The following NUP160 variants were observed in gnomAD, a reference collection of about 807,000 sequenced individuals.
The protein encoded by NUP160 is nuclear pore complex protein Nup160.
In NUP160, 94 loss-of-function variants were observed where a neutral mutation model predicts 196.9. That is an observed-to-expected ratio of 0.48 (90% CI 0.40 to 0.57). The LOEUF is 0.57. NUP160 is among the 20% of genes least tolerant of loss of function. The pLI, the probability that NUP160 is intolerant of heterozygous loss-of-function variation, is 0.00. For missense variants in NUP160, 1,638 were observed against 1,748.3 expected (o/e 0.94, Z 1.13); for synonymous variants, 605 against 619.7 (o/e 0.98, Z 0.35).
intron 27 of NUP160, among the ~76,000 whole-genome samples, chr11:47,795,458 T>G (rs3886262): frequency 0.35 from 52,653 of 152,040 alleles, 10,552 homozygotes; most frequent in South Asian, 0.52. Context: ...TATGCAAATA[T>G]GTTTTACTAT....
At chr11:47,781,163 C>T (rs183220606) in intron 34 of NUP160, among the ~76,000 whole-genome samples, 51 of 152,038 alleles carry the variant, frequency 3.4e-4, no homozygotes, top group Admixed American at 6.5e-4. Flanking sequence ...GCGGAGGTTA[C>T]AGTGAGCCGA....
chr11:47,837,302 C>T (rs181501660), intron 5 of NUP160, among the ~76,000 whole-genome samples: 4 of 152,216 alleles, frequency 2.6e-5, no homozygotes, highest in Admixed American at 2.6e-4. Context: ...TAAGTCGGGG[C>T]AGAGCACTGA....
intron 20 of NUP160, among the ~76,000 whole-genome samples, chr11:47,805,370 A>T (rs923483796): frequency 6.6e-6 from 1 of 151,538 alleles, no homozygotes; most frequent in African/African-American, 2.4e-5. Context: ...GCCTCAAGTG[A>T]TCTGCCCGCC....
intron 11 of NUP160, among the ~76,000 whole-genome samples, chr11:47,816,469 T>C (rs992720942): frequency 1.3e-5 from 2 of 152,158 alleles, no homozygotes; most frequent in East Asian, 3.9e-4. Context: ...TGAAGCTAAG[T>C]AGTAATTTAA....
intron 17 of NUP160, among the ~76,000 whole-genome samples, chr11:47,809,802 A>G (rs2097680086): frequency 6.6e-6 from 1 of 151,828 alleles, no homozygotes; most frequent in Admixed American, 6.6e-5. Context: ...CTGGCAACAA[A>G]AAGAAAAATG....
At chr11:47,840,177 A>T (rs1852266710) in intron 3 of NUP160, 112 bp from the exon 4 acceptor site, 1 of 888,270 alleles carries the variant, frequency 1.1e-6, no homozygotes, top group Admixed American at 2.4e-5. Flanking sequence ...AAGTTTAAGA[A>T]AGCTATTCTT....
exon 10 of NUP160, chr11:47,819,387 T>A: frequency 6.2e-7 from 1 of 1,609,886 alleles, no homozygotes; most frequent in Non-Finnish European, 8.5e-7. Flanking sequence ...GGGGTCTTGA[T>A]CATCTCTGAT....
intron 32 of NUP160, among the ~76,000 whole-genome samples, 197 bp from the exon 33 acceptor site, chr11:47,785,260 G>A (rs2097663924): frequency 6.6e-6 from 1 of 151,768 alleles, no homozygotes; most frequent in Non-Finnish European, 1.5e-5. Context: ...TTCCTAAATA[G>A]CTGGGAATAC....
intron 11 of NUP160, among the ~76,000 whole-genome samples, chr11:47,816,574 A>G (rs1394258708): frequency 6.6e-6 from 1 of 152,144 alleles, no homozygotes; most frequent in Non-Finnish European, 1.5e-5. Context: ...CAGGAGTTCG[A>G]GACAAGCTTG....
At chr11:47,840,398 G>T (rs1281519143) in exon 3 of NUP160, 1 of 1,613,594 alleles carries the variant, frequency 6.2e-7, no homozygotes, top group Non-Finnish European at 8.5e-7. Flanking sequence ...ATCCGGGAGG[G>T]GTGTGGTAAA....
rs1464758671 is a variant in NUP160, at chr11:47,782,298, AAAAAAATATATATATATATAT to A, written c.4116+754_4116+774del. ...CAGAGCAAAACTCAGTTAAAAAAAA[AAAAAAATATATATATATATAT>A]ATATATATATATATATATATATATA... On this transcript the variant is annotated intron_variant, in intron 34 of 35. Transcript: ENST00000378460. Among the ~76,000 whole-genome samples the A allele has an allele frequency of 3.8e-3, 204 of 53,298 alleles. 13 individuals are homozygous for A. In the South Asian group the frequency reaches 0.049, roughly 13 times the overall value. 35.0% of individuals were successfully genotyped at this position (53,298 alleles called of 152,430 possible).
At chr11:47,841,511 C>T in intron 2 of NUP160, 1 of 397,452 alleles carries the variant, frequency 2.5e-6, no homozygotes, top group Non-Finnish European at 5.0e-6. Context: ...GTCATGCTCA[C>T]TGGCCACCAC....
chr11:47,793,137 A>G (rs901043421), intron 27 of NUP160, among the ~76,000 whole-genome samples, 191 bp from the exon 28 acceptor site: 2 of 151,844 alleles, frequency 1.3e-5, no homozygotes, highest in Non-Finnish European at 2.9e-5. Flanking sequence ...TAGGCACACG[A>G]CCACCACGCC....
intron 33 of NUP160, among the ~76,000 whole-genome samples, chr11:47,784,040 AAAC>A (rs1221877987): frequency 1.3e-5 from 2 of 152,080 alleles, no homozygotes; most frequent in Non-Finnish European, 2.9e-5. Context: ...AAAAAAAACA[AAAC>A]AAAACAAAAC....
intron 11 of NUP160, among the ~76,000 whole-genome samples, chr11:47,817,541 TTCACCA>T (rs1312284844): frequency 6.6e-6 from 1 of 151,004 alleles, no homozygotes; most frequent in African/African-American, 2.4e-5. Context: ...GAGACGGGGT[TTCACCA>T]TGTTGGCCAG....
At chr11:47,804,812 T>C (rs1387855084) in intron 20 of NUP160, among the ~76,000 whole-genome samples, 194 bp from the exon 21 acceptor site, 4 of 152,144 alleles carry the variant, frequency 2.6e-5, no homozygotes, top group Non-Finnish European at 5.9e-5. Flanking sequence ...AGACTTGTTA[T>C]AGTGCTTAGA....
intron 7 of NUP160, among the ~76,000 whole-genome samples, chr11:47,835,377 GAATTC>G (rs1852153197): frequency 6.6e-6 from 1 of 152,106 alleles, no homozygotes; most frequent in African/African-American, 2.4e-5. Flanking sequence ...TCCCTTTCAG[GAATTC>G]TGTTTTTTCA....
intron 18 of NUP160, 37 bp downstream of exon 18, chr11:47,808,359 A>C (rs780738149): frequency 6.3e-7 from 1 of 1,576,066 alleles, no homozygotes; most frequent in East Asian, 2.2e-5. Context: ...TTAAACTCAC[A>C]ATTTACATTT....
At chr11:47,823,574 G>A (rs953612622) in intron 7 of NUP160, among the ~76,000 whole-genome samples, 5 of 151,552 alleles carry the variant, frequency 3.3e-5, no homozygotes, top group African/African-American at 7.3e-5. Context: ...TCGCTCTATC[G>A]CCCAGGCTGG....
Sources: gnomAD v4.1 joint callset for allele counts (sites outside exome capture counted in the v4.1 genomes callset) on GRCh38, gnomAD v4.1.1 for gene constraint, MANE v1.5 for transcripts, NCBI Gene and HGNC (gene_info 2026-07-23, HGNC 2026-07-21) for gene names.